Variants in CNTN4 observed in about 807,000 individuals in gnomAD.
The protein encoded by CNTN4 is contactin-4.
Under a neutral mutation model 122.5 loss-of-function variants are expected in CNTN4, and 77 were observed. The observed-to-expected ratio is 0.63, with a 90% CI of 0.52 to 0.76. CNTN4 has a LOEUF of 0.76. Ranked by LOEUF, CNTN4 falls within the 30% of genes least tolerant of loss-of-function variation. The pLI is 0.00. For synonymous variants in CNTN4, 512 were observed against 447.0 expected, an observed-to-expected ratio of 1.15 and a Z score of -1.83; for missense variants, 1,256 against 1,259.1, an observed-to-expected ratio of 1.00 and a Z score of 0.04.
chr3:2,902,162 A>G (rs1193409092), intron 11 of CNTN4, among the ~76,000 whole-genome samples: 3 of 152,136 alleles, frequency 2.0e-5, no homozygotes, highest in Non-Finnish European at 4.4e-5. Context: ...CTCTTTATAT[A>G]TATGTAGAAT....
At chr3:2,311,037 G>A (rs553746690) in intron 2 of CNTN4, among the ~76,000 whole-genome samples, 1 of 152,070 alleles carries the variant, frequency 6.6e-6, no homozygotes, top group Non-Finnish European at 1.5e-5. Flanking sequence ...TAACAGCTAA[G>A]GAATGTGGCC....
chr3:2,120,405 A>T (rs13089319), intron 2 of CNTN4, among the ~76,000 whole-genome samples: 6,684 of 37,956 alleles, frequency 0.18, 616 homozygotes, highest in East Asian at 0.32. Flanking sequence ...ATATATATAT[A>T]TTTTTTTTTT....
intron 2 of CNTN4, among the ~76,000 whole-genome samples, chr3:2,253,197 C>G (rs1013609489): frequency 5.3e-5 from 8 of 151,844 alleles, no homozygotes; most frequent in African/African-American, 1.9e-4. Context: ...TGTAGTTATT[C>G]TAATCGTATT....
chr3:2,700,172 C>A (rs575851430), intron 4 of CNTN4, among the ~76,000 whole-genome samples: 2 of 152,244 alleles, frequency 1.3e-5, no homozygotes, highest in East Asian at 3.9e-4. Flanking sequence ...CATGTGAAAT[C>A]CTTCGCAGAT....
chr3:2,152,523 G>A (rs2035537099), intron 2 of CNTN4, among the ~76,000 whole-genome samples: 2 of 152,126 alleles, frequency 1.3e-5, no homozygotes, highest in Admixed American at 6.6e-5. Flanking sequence ...TAGAGATGAT[G>A]GGACTTTGTC....
At chr3:2,904,592 C>T (rs1347162748) in intron 12 of CNTN4, among the ~76,000 whole-genome samples, 1 of 152,172 alleles carries the variant, frequency 6.6e-6, no homozygotes, top group Non-Finnish European at 1.5e-5. Context: ...ACATACTTCT[C>T]ACCCTATAAA....
intron 12 of CNTN4, among the ~76,000 whole-genome samples, chr3:2,923,153 A>G (rs1475210723): frequency 6.6e-6 from 1 of 152,200 alleles, no homozygotes; most frequent in African/African-American, 2.4e-5. Context: ...CTCATTTCAA[A>G]TGCTACTGCA....
intron 4 of CNTN4, among the ~76,000 whole-genome samples, chr3:2,734,170 C>T (rs533737053): frequency 1.0e-3 from 154 of 152,250 alleles, no homozygotes; most frequent in African/African-American, 3.6e-3. Flanking sequence ...AAGCCATCCT[C>T]CCACCTCAGC....
chr3:2,489,175 T>C lies in CNTN4; in HGVS notation c.-88-82241T>C, dbSNP rs76866128. On this transcript the variant is annotated intron_variant, in intron 3 of 24. Coordinates refer to ENST00000418658, the MANE Select transcript of CNTN4 (RefSeq NM_175607.3). ...TCAATTGAACGGGAACTTATGCCAG[T>C]CCTGAGAGGATAAGAAACTTGTTGA... 9.6e-3 allele frequency among the ~76,000 whole-genome samples: 1,459 copies of C among 152,334 alleles called. 14 individuals carry two copies. The highest frequency in any genetic ancestry group is 0.033 in the African/African-American group (1,385 of 41,564).
At chr3:2,306,918 C>T (rs2042729957) in intron 2 of CNTN4, among the ~76,000 whole-genome samples, 1 of 151,660 alleles carries the variant, frequency 6.6e-6, no homozygotes, top group Non-Finnish European at 1.5e-5. Flanking sequence ...GTTTGAATTG[C>T]TCATTGCTAG....
intron 4 of CNTN4, among the ~76,000 whole-genome samples, chr3:2,573,265 A>G (rs2079507601): frequency 6.6e-6 from 1 of 152,126 alleles, no homozygotes; most frequent in East Asian, 1.9e-4. Context: ...ACATCTTTTA[A>G]TAGTCTACCT....
At chr3:2,413,966 T>C (rs2151055712) in intron 3 of CNTN4, among the ~76,000 whole-genome samples, 1 of 152,314 alleles carries the variant, frequency 6.6e-6, no homozygotes, top group East Asian at 1.9e-4. Context: ...TTTAGCCTAA[T>C]CCCTATTTCA....
chr3:3,056,327 A>C lies in CNTN4; in HGVS notation c.*107A>C, dbSNP rs185071035. 604 of 851,862 alleles carry C rather than the reference A, an allele frequency of 7.1e-4. 8 individuals are homozygous for C. The East Asian group carries it at 0.012, about 17-fold the overall frequency. The allele number at this position is 851,862 out of a possible 1,614,324, so 52.8% of individuals were successfully genotyped here. A position where few individuals can be genotyped will look rare whatever the true frequency, so the allele number is the denominator to read the frequency against. On this transcript the variant is annotated 3_prime_UTR_variant, in exon 25 of 25. Coordinates refer to ENST00000418658, the MANE Select transcript of CNTN4 (RefSeq NM_175607.3). ...TATTGTTGTTCAAGTACATCTTATT[A>C]CTGGAATAAAAATGTTTTTTGCTTC... is the stretch of plus-strand genomic sequence containing the variant.
intron 2 of CNTN4, among the ~76,000 whole-genome samples, chr3:2,245,011 C>T (rs566692132): frequency 2.2e-4 from 33 of 152,024 alleles, no homozygotes; most frequent in Non-Finnish European, 4.0e-4. Flanking sequence ...ATCATTCTAA[C>T]GTCAAATAAA....
At chr3:3,052,749 C>A (rs986394717) in intron 23 of CNTN4, among the ~76,000 whole-genome samples, 3 of 152,210 alleles carry the variant, frequency 2.0e-5, no homozygotes, top group African/African-American at 7.2e-5. Context: ...CTGTTGCAAG[C>A]TGCAGATATG....
At chr3:2,968,787 G>A (rs1692584060) in intron 13 of CNTN4, among the ~76,000 whole-genome samples, 1 of 152,118 alleles carries the variant, frequency 6.6e-6, no homozygotes, top group African/African-American at 2.4e-5. Flanking sequence ...TAATCAGGAT[G>A]GGCACCCATG....
At chr3:2,386,202 TCTCTGAATTCAAA>T (rs375245465) in intron 3 of CNTN4, among the ~76,000 whole-genome samples, 16 of 151,600 alleles carry the variant, frequency 1.1e-4, no homozygotes, top group African/African-American at 1.9e-4. Flanking sequence ...ACTCAAACAT[TCTCTGAATTCAAA>T]CTCTGAATTC....
rs139850328 is a variant in CNTN4, at chr3:2,790,050, C to T, written c.359-29436C>T. Among the ~76,000 whole-genome samples the T allele has an allele frequency of 7.8e-4, 118 of 152,166 alleles. 1 individual carries two copies. In the East Asian group the frequency reaches 0.018, roughly 23 times the overall value. On this transcript the variant is annotated intron_variant, in intron 6 of 24. Transcript: ENST00000418658. ...AGTGCTTTGCATTTACCACATGCCA[C>T]GTTACACAATTTACAAGCATAATTT... is the stretch of plus-strand genomic sequence containing the variant.
At chr3:2,222,356 C>G (rs922695233) in intron 2 of CNTN4, among the ~76,000 whole-genome samples, 4 of 151,922 alleles carry the variant, frequency 2.6e-5, no homozygotes, top group Admixed American at 2.6e-4. Flanking sequence ...TCCATAGAGA[C>G]AGAAACTAGA....
Sources: allele counts gnomAD v4.1 joint callset (sites outside exome capture counted in the v4.1 genomes callset), GRCh38; gene constraint gnomAD v4.1.1; transcripts MANE v1.5; gene names NCBI Gene and HGNC (gene_info 2026-07-23, HGNC 2026-07-21).